ZBTB20: variants seen among roughly 807,000 people sequenced by gnomAD.
ZBTB20 encodes the protein zinc finger and BTB domain containing 20.
A neutral mutation model predicts 56.9 loss-of-function variants in ZBTB20; 9 were observed. The ratio of observed to expected loss-of-function variants is 0.16; its 90% CI spans 0.10 to 0.28. ZBTB20 has a LOEUF of 0.28. ZBTB20 is among the 10% of genes least tolerant of loss of function. The pLI is 1.00. For synonymous variants in ZBTB20, 417 were observed against 420.7 expected, an observed-to-expected ratio of 0.99 and a Z score of 0.11; for missense variants, 655 against 1,003.0, an observed-to-expected ratio of 0.65 and a Z score of 4.69.
chr3:114,814,774 T>C (rs2072799169), intron 4 of ZBTB20, among the ~76,000 whole-genome samples: 1 of 152,208 alleles, frequency 6.6e-6, no homozygotes, highest in Non-Finnish European at 1.5e-5. Context: ...CAACTGATTA[T>C]ATAGTTTGTA....
At chr3:114,906,175 A>G (rs1279346838) in intron 3 of ZBTB20, among the ~76,000 whole-genome samples, 2 of 151,884 alleles carry the variant, frequency 1.3e-5, no homozygotes, top group African/African-American at 4.8e-5. Context: ...AGTATTTGTC[A>G]GATGTATAAG....
At chr3:114,590,950 T>C (rs1324473328) in intron 6 of ZBTB20, among the ~76,000 whole-genome samples, 2 of 152,226 alleles carry the variant, frequency 1.3e-5, no homozygotes, top group African/African-American at 4.8e-5. Context: ...TATCTCATTA[T>C]CAAACCTTAA....
At chr3:114,971,272 A>G (rs1280217479) in intron 3 of ZBTB20, among the ~76,000 whole-genome samples, 1 of 152,128 alleles carries the variant, frequency 6.6e-6, no homozygotes, top group African/African-American at 2.4e-5. Context: ...TCATAACTCA[A>G]CTCCCTAAAA....
chr3:114,520,662 A>T (rs940836154), intron 6 of ZBTB20, among the ~76,000 whole-genome samples: 109 of 152,072 alleles, frequency 7.2e-4, no homozygotes, highest in African/African-American at 2.4e-3. Context: ...CCTACTGGAC[A>T]TTCATATCTC....
At chr3:114,594,638 A>G (rs1298848363) in intron 6 of ZBTB20, among the ~76,000 whole-genome samples, 1 of 152,200 alleles carries the variant, frequency 6.6e-6, no homozygotes, top group Non-Finnish European at 1.5e-5. Context: ...AGTATATAAT[A>G]AAGAACAGAT....
intron 3 of ZBTB20, among the ~76,000 whole-genome samples, chr3:114,963,073 C>CT (rs142884170): frequency 0.03 from 4,608 of 151,836 alleles, 85 homozygotes; most frequent in South Asian, 0.038. Flanking sequence ...CTTTTCATTC[C>CT]TTTTTATAAA....
At chr3:114,810,829 T>C (rs2072467346) in intron 4 of ZBTB20, among the ~76,000 whole-genome samples, 1 of 152,104 alleles carries the variant, frequency 6.6e-6, no homozygotes, top group Non-Finnish European at 1.5e-5. Context: ...CTAACTGCCA[T>C]TGAATGAACG....
At chr3:114,619,941 C>A (rs2058205457) in intron 6 of ZBTB20, among the ~76,000 whole-genome samples, 1 of 152,152 alleles carries the variant, frequency 6.6e-6, no homozygotes, top group Non-Finnish European at 1.5e-5. Flanking sequence ...ATCAGCCTGA[C>A]CTCCACGGAT....
intron 1 of ZBTB20, chr3:115,144,792 T>C (rs1381598957): frequency 6.6e-6 from 1 of 152,228 alleles, no homozygotes; most frequent in Non-Finnish European, 1.5e-5. Context: ...TTTCTTTAGC[T>C]TGTTAAAATT....
At chr3:114,532,545 G>A (rs2047971009) in intron 6 of ZBTB20, among the ~76,000 whole-genome samples, 1 of 152,186 alleles carries the variant, frequency 6.6e-6, no homozygotes, top group South Asian at 2.1e-4. Context: ...GGGGGAAGGG[G>A]CAGCTGTGGG....
intron 6 of ZBTB20, among the ~76,000 whole-genome samples, chr3:114,559,699 T>C (rs974854199): frequency 1.3e-5 from 2 of 152,170 alleles, no homozygotes; most frequent in Non-Finnish European, 2.9e-5. Flanking sequence ...ACATTTTCTG[T>C]AGAGAAGGAA....
intron 4 of ZBTB20, among the ~76,000 whole-genome samples, chr3:114,842,634 C>T (rs2074431924): frequency 1.3e-5 from 2 of 152,146 alleles, no homozygotes; most frequent in Admixed American, 6.5e-5. Context: ...TTAAGGAACA[C>T]TTCTTAGAAT....
intron 6 of ZBTB20, among the ~76,000 whole-genome samples, chr3:114,574,242 T>A (rs2053757928): frequency 6.6e-6 from 1 of 152,214 alleles, no homozygotes; most frequent in Non-Finnish European, 1.5e-5. Context: ...GACATTGTGA[T>A]AAACACCTCT....
chr3:114,772,491 T>G (rs1449273652), intron 5 of ZBTB20, among the ~76,000 whole-genome samples: 3 of 152,114 alleles, frequency 2.0e-5, no homozygotes, highest in African/African-American at 7.2e-5. Flanking sequence ...ACCACTGCCA[T>G]AAACCAAAAA....
intron 6 of ZBTB20, among the ~76,000 whole-genome samples, chr3:114,640,474 T>C (rs2059501345): frequency 6.6e-6 from 1 of 152,096 alleles, no homozygotes; most frequent in African/African-American, 2.4e-5. Flanking sequence ...ACAAGGATTT[T>C]CATTCTGCTG....
intron 1 of ZBTB20, among the ~76,000 whole-genome samples, chr3:115,132,742 G>A (rs996817892): frequency 6.6e-6 from 1 of 151,916 alleles, no homozygotes; most frequent in African/African-American, 2.4e-5. Flanking sequence ...TCCAGCCTGG[G>A]TGACAAAGTG....
chr3:114,925,834 G>A (rs1370295158), intron 3 of ZBTB20, among the ~76,000 whole-genome samples: 1 of 152,102 alleles, frequency 6.6e-6, no homozygotes, highest in East Asian at 1.9e-4. Flanking sequence ...CCAATTATGG[G>A]TTTTAACTTA....
chr3:115,036,594 T>C (rs1475147238), intron 2 of ZBTB20, among the ~76,000 whole-genome samples: 1 of 152,200 alleles, frequency 6.6e-6, no homozygotes, highest in Non-Finnish European at 1.5e-5. Flanking sequence ...TTTGTATTTT[T>C]AGTAGAGACG....
intron 4 of ZBTB20, among the ~76,000 whole-genome samples, chr3:114,849,947 T>G (rs2074915824): frequency 6.8e-6 from 1 of 146,146 alleles, no homozygotes; most frequent in South Asian, 2.2e-4. Context: ...CTGCCCAGGT[T>G]GGAGTGCAAT....
Sources: allele counts gnomAD v4.1 joint callset (sites outside exome capture counted in the v4.1 genomes callset), GRCh38; gene constraint gnomAD v4.1.1; transcripts MANE v1.5; gene names NCBI Gene and HGNC (gene_info 2026-07-23, HGNC 2026-07-21).